Variants in AGO2 observed in about 807,000 individuals in gnomAD.
AGO2 encodes protein argonaute-2.
Under a neutral mutation model 102.3 loss-of-function variants are expected in AGO2, and 5 were observed. That is an observed-to-expected ratio of 0.05 (90% confidence interval 0.03 to 0.10). AGO2 has a LOEUF of 0.10. Ranked by LOEUF, AGO2 falls within the 10% of genes least tolerant of loss-of-function variation. The probability of loss-of-function intolerance (pLI) is 1.00; values close to 1 mark genes in which losing one functional copy is unlikely to be tolerated. For missense variants in AGO2, 541 were observed against 1,183.7 expected, an observed-to-expected ratio of 0.46 and a Z score of 7.97; for synonymous variants, 449 against 473.1, an observed-to-expected ratio of 0.95 and a Z score of 0.66.
intron 2 of AGO2, among the ~76,000 whole-genome samples, chr8:140,579,255 CT>C (rs1240010396): frequency 1.3e-5 from 2 of 152,046 alleles, no homozygotes; most frequent in Non-Finnish European, 2.9e-5. Context: ...AGCTAAAAGT[CT>C]GTTTACAGTA....
intron 1 of AGO2, among the ~76,000 whole-genome samples, chr8:140,626,051 A>C (rs957740158): frequency 2.0e-5 from 3 of 152,204 alleles, no homozygotes; most frequent in African/African-American, 7.2e-5. Flanking sequence ...CACTCGAGCC[A>C]CCACGGCAAA....
chr8:140,537,298 C>A (rs1270109695), intron 16 of AGO2, among the ~76,000 whole-genome samples: 2 of 151,622 alleles, frequency 1.3e-5, no homozygotes, highest in African/African-American at 4.8e-5. Flanking sequence ...TTGTTCATTT[C>A]ACTCTTCCAA....
intron 13 of AGO2, 102 bp from the exon 14 acceptor site, chr8:140,544,405 G>A (rs536239588): frequency 3.3e-6 from 3 of 920,496 alleles, no homozygotes; most frequent in Non-Finnish European, 4.9e-6. Flanking sequence ...GTGTATCATG[G>A]TAATGCTTTT....
chr8:140,578,449 C>T (rs902022622), intron 2 of AGO2, among the ~76,000 whole-genome samples: 18 of 152,216 alleles, frequency 1.2e-4, no homozygotes, highest in African/African-American at 3.9e-4. Flanking sequence ...GCACTAACTT[C>T]CCAGCCAGCC....
chr8:140,533,205 C>G (rs2944775), intron 17 of AGO2, among the ~76,000 whole-genome samples: 129,014 of 150,662 alleles, frequency 0.86, 55,554 homozygotes, highest in African/African-American at 0.95. Context: ...CTGGCTAACA[C>G]GGTGAAACCC....
chr8:140,543,041 G>A (rs1381560588), intron 14 of AGO2, among the ~76,000 whole-genome samples: 2 of 152,170 alleles, frequency 1.3e-5, no homozygotes, highest in African/African-American at 4.8e-5. Flanking sequence ...GGAGGCTGAG[G>A]TGGGAGAATT....
intron 1 of AGO2, among the ~76,000 whole-genome samples, chr8:140,622,136 A>G (rs2074225132): frequency 6.6e-6 from 1 of 152,240 alleles, no homozygotes; most frequent in Non-Finnish European, 1.5e-5. Context: ...GAGACACAAG[A>G]GTTCACTGGC....
intron 14 of AGO2, among the ~76,000 whole-genome samples, chr8:140,543,224 A>T (rs964361095): frequency 2.0e-5 from 3 of 152,206 alleles, no homozygotes; most frequent in Non-Finnish European, 4.4e-5. Flanking sequence ...ACGACTCAGC[A>T]AAGTGAGCAG....
upstream of AGO2, chr8:140,638,296 A>G (rs2074422664): frequency 6.6e-6 from 1 of 152,260 alleles, no homozygotes; most frequent in Non-Finnish European, 1.5e-5. Context: ...TGTTCTGCAC[A>G]TGATTAAAGC....
At chr8:140,603,462 A>G (rs2073957514) in intron 1 of AGO2, among the ~76,000 whole-genome samples, 1 of 152,180 alleles carries the variant, frequency 6.6e-6, no homozygotes, top group African/African-American at 2.4e-5. Flanking sequence ...TAACCAACAC[A>G]ACCACCCAAT....
At chr8:140,582,749 C>T (rs770924234) in intron 2 of AGO2, among the ~76,000 whole-genome samples, 2 of 152,150 alleles carry the variant, frequency 1.3e-5, no homozygotes, top group Non-Finnish European at 2.9e-5. Context: ...AGAGAATACA[C>T]TATGTAACAG....
intron 1 of AGO2, among the ~76,000 whole-genome samples, chr8:140,602,217 G>T (rs1193138094): frequency 6.6e-6 from 1 of 152,066 alleles, no homozygotes; most frequent in Non-Finnish European, 1.5e-5. Flanking sequence ...TATCATGAAG[G>T]GAAAATTTAG....
At chr8:140,533,676 G>A (rs575464555) in intron 17 of AGO2, among the ~76,000 whole-genome samples, 135 of 151,740 alleles carry the variant, frequency 8.9e-4, no homozygotes, top group African/African-American at 2.7e-3. Context: ...GTGTGGTTGC[G>A]TACGCCTGTA....
chr8:140,618,509 T>C (rs563971099), intron 1 of AGO2, among the ~76,000 whole-genome samples: 1 of 150,042 alleles, frequency 6.7e-6, no homozygotes, highest in East Asian at 2.0e-4. Flanking sequence ...ATTGTAAATA[T>C]ACAAATATGC....
intron 10 of AGO2, among the ~76,000 whole-genome samples, chr8:140,554,272 T>A (rs2132922871): frequency 6.6e-6 from 1 of 152,218 alleles, no homozygotes; most frequent in African/African-American, 2.4e-5. Flanking sequence ...TTATACAGCA[T>A]CTGGGGCCTC....
intron 1 of AGO2, among the ~76,000 whole-genome samples, chr8:140,628,274 C>T (rs1300840151): frequency 6.6e-6 from 1 of 152,244 alleles, no homozygotes; most frequent in Non-Finnish European, 1.5e-5. Flanking sequence ...AGATGCACTG[C>T]CTCCTGAGCC....
intron 2 of AGO2, among the ~76,000 whole-genome samples, chr8:140,574,662 T>C (rs939431923): frequency 2.0e-5 from 3 of 152,114 alleles, no homozygotes; most frequent in Non-Finnish European, 4.4e-5. Flanking sequence ...GGTCCCTGCC[T>C]GCCCACAAAG....
At chr8:140,560,703 G>A (rs940079081) in intron 4 of AGO2, among the ~76,000 whole-genome samples, 193 bp from the exon 5 acceptor site, 3 of 152,234 alleles carry the variant, frequency 2.0e-5, no homozygotes, top group African/African-American at 7.2e-5. Flanking sequence ...TGTGACAGCA[G>A]CAGGCTGGGG....
At chr8:140,635,324 C>T (rs1410755235) in intron 1 of AGO2, among the ~76,000 whole-genome samples, 161 bp downstream of exon 1, 5 of 146,118 alleles carry the variant, frequency 3.4e-5, no homozygotes, top group Non-Finnish European at 7.6e-5. Flanking sequence ...GCCGCCGCTC[C>T]TCGAGCCCCC....
Sources: allele counts gnomAD v4.1 joint callset (sites outside exome capture counted in the v4.1 genomes callset), GRCh38; gene constraint gnomAD v4.1.1; transcripts MANE v1.5; gene names NCBI Gene and HGNC (gene_info 2026-07-23, HGNC 2026-07-21).